The following SPMIP2 variants were observed in gnomAD, a reference collection of about 807,000 sequenced individuals.
SPMIP2 encodes protein SPMIP2.
the SPMIP2 span, among the ~76,000 whole-genome samples, chr4:158,973,983 C>CAAAAAA: frequency 5.4e-4 from 35 of 64,894 alleles, no homozygotes; most frequent in East Asian, 1.1e-3. Context: ...AAGGCCACCT[C>CAAAAAA]AAAAAAAAAA....
At chr4:158,980,194 A>G in the SPMIP2 span, among the ~76,000 whole-genome samples, 2 of 88,958 alleles carry the variant, frequency 2.2e-5, no homozygotes, top group East Asian at 6.3e-4. Flanking sequence ...AACAAAAGGC[A>G]GCAGCCCCAG....
At chr4:159,053,291 T>C in the SPMIP2 span, among the ~76,000 whole-genome samples, 1 of 152,188 alleles carries the variant, frequency 6.6e-6, no homozygotes, top group Admixed American at 6.5e-5. Flanking sequence ...TGAGTGACAG[T>C]ATCGACTACA....
the SPMIP2 span, among the ~76,000 whole-genome samples, chr4:159,021,067 G>C: frequency 0.22 from 34,173 of 152,238 alleles, 4,045 homozygotes; most frequent in Non-Finnish European, 0.26. Flanking sequence ...GGCCTCTGCC[G>C]TTCTCTTAGG....
the SPMIP2 span, among the ~76,000 whole-genome samples, chr4:159,055,845 A>T: frequency 7.9e-5 from 12 of 152,344 alleles, no homozygotes; most frequent in South Asian, 2.5e-3. Flanking sequence ...TACTAGGGAA[A>T]TAGGGGGTCC....
At chr4:158,897,690 T>G in the SPMIP2 span, among the ~76,000 whole-genome samples, 2 of 152,268 alleles carry the variant, frequency 1.3e-5, no homozygotes, top group East Asian at 3.9e-4. Flanking sequence ...GATGGGGTTG[T>G]TTTTTTCTTG....
the SPMIP2 span, among the ~76,000 whole-genome samples, chr4:158,981,060 C>T: frequency 8.5e-5 from 13 of 152,070 alleles, no homozygotes; most frequent in African/African-American, 2.9e-4. Flanking sequence ...GTGAAGCATA[C>T]ACAAGTATCA....
chr4:158,963,399 T>G, the SPMIP2 span, among the ~76,000 whole-genome samples: 1 of 152,252 alleles, frequency 6.6e-6, no homozygotes, highest in Middle Eastern at 3.4e-3. Flanking sequence ...CCTCCTAAGT[T>G]CAAGGAATTC....
the SPMIP2 span, chr4:158,895,643 G>T: frequency 1.5e-6 from 1 of 684,168 alleles, no homozygotes; most frequent in Non-Finnish European, 2.6e-6. Flanking sequence ...TGAAACTGAT[G>T]AGATAAAAGC....
the SPMIP2 span, among the ~76,000 whole-genome samples, chr4:158,956,314 C>T: frequency 1.6e-4 from 25 of 152,358 alleles, no homozygotes; most frequent in East Asian, 4.8e-3. Flanking sequence ...GCCTGTAATC[C>T]CAGCACTTTG....
At chr4:159,030,463 TTTTATTTATTTATTTATTTA>T in the SPMIP2 span, among the ~76,000 whole-genome samples, 354 of 142,408 alleles carry the variant, frequency 2.5e-3, 1 homozygote, top group African/African-American at 5.2e-3. Context: ...GAAAGCAAAA[TTTTATTTATTTATTTATTTA>T]TTTATTTATT....
the SPMIP2 span, among the ~76,000 whole-genome samples, chr4:159,010,753 C>A: frequency 3.3e-5 from 5 of 152,242 alleles, no homozygotes; most frequent in South Asian, 1.0e-3. Context: ...ACTGAGCTAA[C>A]CTCCGGGCAC....
the SPMIP2 span, chr4:158,973,201 G>A: frequency 8.6e-5 from 138 of 1,613,500 alleles, no homozygotes; most frequent in African/African-American, 1.7e-3. Flanking sequence ...TTTGAGGCAG[G>A]CCTCCATAAA....
At chr4:158,945,738 C>G in the SPMIP2 span, among the ~76,000 whole-genome samples, 2 of 152,192 alleles carry the variant, frequency 1.3e-5, no homozygotes, top group African/African-American at 4.8e-5. Context: ...TAAGACCTTC[C>G]CCACAACTGA....
chr4:158,952,395 T>C, the SPMIP2 span, among the ~76,000 whole-genome samples: 1 of 152,182 alleles, frequency 6.6e-6, no homozygotes, highest in Admixed American at 6.5e-5. Flanking sequence ...TCACAAGATA[T>C]GGTTTTATTG....
the SPMIP2 span, among the ~76,000 whole-genome samples, chr4:158,934,219 G>A: frequency 6.6e-6 from 1 of 152,166 alleles, no homozygotes; most frequent in Admixed American, 6.5e-5. Context: ...CCAGCACTTT[G>A]GGAGGCCTAG....
the SPMIP2 span, among the ~76,000 whole-genome samples, chr4:158,968,244 G>C: frequency 6.6e-5 from 10 of 152,236 alleles, no homozygotes; most frequent in Admixed American, 2.0e-4. Flanking sequence ...GGCCAGGCTG[G>C]TCTTGAACTC....
chr4:159,052,380 C>G, the SPMIP2 span, among the ~76,000 whole-genome samples: 1 of 151,868 alleles, frequency 6.6e-6, no homozygotes, highest in Non-Finnish European at 1.5e-5. Context: ...AAAACAACAA[C>G]AACAACAACA....
chr4:158,936,090 A>C, the SPMIP2 span, among the ~76,000 whole-genome samples: 2 of 152,164 alleles, frequency 1.3e-5, no homozygotes, highest in Non-Finnish European at 2.9e-5. Context: ...ATAACTGACC[A>C]CCCAGCTTCA....
chr4:159,023,862 T>G, the SPMIP2 span, among the ~76,000 whole-genome samples: 1 of 152,172 alleles, frequency 6.6e-6, no homozygotes, highest in African/African-American at 2.4e-5. Flanking sequence ...CCAGAGAAGG[T>G]CACCTGACTG....
Sources: gnomAD v4.1 joint callset for allele counts (sites outside exome capture counted in the v4.1 genomes callset) on GRCh38, gnomAD v4.1.1 for gene constraint, MANE v1.5 for transcripts, NCBI Gene and HGNC (gene_info 2026-07-23, HGNC 2026-07-21) for gene names.